Variants in DCP1A observed in about 807,000 individuals in gnomAD.
The protein encoded by DCP1A is decapping mRNA 1A, also known as mRNA-decapping enzyme 1A.
Under a neutral mutation model 58.0 loss-of-function variants are expected in DCP1A, and 20 were observed. The observed-to-expected ratio is 0.34, with a 90% CI of 0.24 to 0.50. DCP1A has a LOEUF of 0.50. DCP1A is among the 20% of genes least tolerant of loss of function. DCP1A has a pLI of 0.98. For synonymous variants in DCP1A, 285 were observed against 275.1 expected, an observed-to-expected ratio of 1.04 and a Z score of -0.36; for missense variants, 613 against 712.2, an observed-to-expected ratio of 0.86 and a Z score of 1.59.
At chr3:53,312,448 G>T in intron 4 of DCP1A, 69 bp from the exon 5 acceptor site, 6 of 1,312,124 alleles carry the variant, frequency 4.6e-6, no homozygotes, top group South Asian at 3.1e-5. Flanking sequence ...TTCTTTTGGT[G>T]TTCATCTTCC....
chr3:53,344,799 C>T, intron 2 of DCP1A, 103 bp downstream of exon 2: 2 of 817,528 alleles, frequency 2.4e-6, no homozygotes, highest in Non-Finnish European at 3.9e-6. Flanking sequence ...TTGAAGGGTA[C>T]TAGCAGGACG....
In DCP1A at chr3:53,284,448, T is replaced by C. The variant is rs1706548957; in HGVS notation, c.*3132A>G. 6.6e-6 allele frequency: 1 copy of C among 150,846 alleles called. No homozygotes were observed. The highest frequency in any genetic ancestry group is 1.5e-5 in the Non-Finnish European group (1 of 67,822). The allele number at this position is 150,846 out of a possible 1,614,324, so 9.3% of individuals were successfully genotyped here. ...AAACATAAGCCAGGAAAAGGACAAA[T>C]GCTTGACATGCAAAATCTGGTTAGA... On this transcript the variant is annotated 3_prime_UTR_variant, in exon 10 of 10. Transcript: ENST00000610213.
At chr3:53,315,535 A>T (rs919552229) in intron 4 of DCP1A, among the ~76,000 whole-genome samples, 15 of 36,350 alleles carry the variant, frequency 4.1e-4, no homozygotes, top group Non-Finnish European at 1.2e-3. Flanking sequence ...ACTCTGTCTC[A>T]AAAAAAAAAA....
rs781823778 is a variant in DCP1A, at chr3:53,292,184, G to A, written c.1268C>T (p.Pro423Leu). The part of the protein sequence containing the change: ...GKGAMVASFS[P>L]AAGQLATPES... ...AGGTGTGGCTAGCTGACCAGCTGCC[G>A]GAGAAAAGCTGGCTACCATTGCACC... The change falls in exon 7 of 10, where the codon CCG becomes CTG. Residue 423 changes from proline to leucine, a missense_variant. This residue lies in a region of DCP1A where 498 missense variants were observed against 556.7 expected (regional missense o/e 0.89). Coordinates refer to ENST00000610213, the MANE Select transcript of DCP1A (RefSeq NM_018403.7). 3.6e-5 allele frequency: 58 copies of A among 1,613,840 alleles called. No individual in the cohort carries two copies. The highest frequency in any genetic ancestry group is 8.0e-5 in the African/African-American group (6 of 74,904).
intron 1 of DCP1A, 54 bp from the exon 2 acceptor site, chr3:53,344,996 T>C (rs376712837): frequency 1.5e-6 from 2 of 1,341,720 alleles, no homozygotes; most frequent in Middle Eastern, 1.8e-4. Context: ...AGACCCCAAA[T>C]AGTCCCCATG....
At chr3:53,330,831 T>A (rs1325561267) in intron 3 of DCP1A, among the ~76,000 whole-genome samples, 18 of 147,348 alleles carry the variant, frequency 1.2e-4, no homozygotes, top group East Asian at 3.9e-4. Flanking sequence ...ATATATTTTT[T>A]TTTTTTTTGA....
At chr3:53,344,031 C>T (rs552611731) in intron 2 of DCP1A, among the ~76,000 whole-genome samples, 3 of 152,098 alleles carry the variant, frequency 2.0e-5, no homozygotes, top group Non-Finnish European at 4.4e-5. Context: ...AAAATGAGTG[C>T]ATTTAGACGA....
chr3:53,347,373 C>T lies in DCP1A; in HGVS notation c.135+10G>A, dbSNP rs781847553. 1.3e-6 allele frequency: 2 copies of T among 1,576,620 alleles called. No homozygotes were observed. The highest frequency in any genetic ancestry group is 1.4e-5 in the African/African-American group (1 of 73,146). ...CCGGGTGGCCGTCCTCAGGGCCAGG[C>T]GGCACTCACCCACTGGTTGGCCTTG... On this transcript the variant is annotated intron_variant, in intron 1 of 9. Transcript: ENST00000610213.
chr3:53,347,529 G>A lies in DCP1A; in HGVS notation c.-12C>T. 6.2e-7 allele frequency: 1 copy of A among 1,606,926 alleles called. No homozygotes were observed. Among genetic ancestry groups the A allele is most frequent in the Non-Finnish European group, 8.5e-7 (1 of 1,176,666 alleles). On this transcript the variant is annotated 5_prime_UTR_variant, in exon 1 of 10. Transcript: ENST00000610213. ...CTCAGCGCCTCCATCTTGAATCCCA[G>A]AGCCTAGCCCCTCTGGTGGGGGCGG...
At chr3:53,309,319 C>T (rs1053184773) in intron 5 of DCP1A, among the ~76,000 whole-genome samples, 6 of 149,286 alleles carry the variant, frequency 4.0e-5, no homozygotes, top group Non-Finnish European at 8.9e-5. Context: ...TGCAGTGAGT[C>T]GAGATCGCGC....
chr3:53,301,863 T>C (rs924390168), intron 6 of DCP1A, among the ~76,000 whole-genome samples: 1 of 152,220 alleles, frequency 6.6e-6, no homozygotes, highest in African/African-American at 2.4e-5. Context: ...CAAGAGGTTA[T>C]ATATATGATT....
chr3:53,329,950 T>C (rs1195749291), intron 3 of DCP1A, among the ~76,000 whole-genome samples: 4 of 152,164 alleles, frequency 2.6e-5, no homozygotes, highest in African/African-American at 9.7e-5. Context: ...CACTGGTCTA[T>C]GGTGAGAATA....
At position 53,333,881 on chromosome 3, in the gene DCP1A, C is replaced by G. The variant is rs552823349; in HGVS notation, c.304+8263G>C. Among the ~76,000 whole-genome samples, 251 of 152,202 alleles carry G rather than the reference C, an allele frequency of 1.6e-3. 9 individuals carry two copies. In the South Asian group the frequency reaches 0.05, roughly 30 times the overall value. ...GTATGACTCACACAGAGACACCAGC[C>G]TTTTTTGCTTGATAGCTGCCTGATA... On this transcript the variant is annotated intron_variant, in intron 3 of 9. Transcript: ENST00000610213.
intron 3 of DCP1A, among the ~76,000 whole-genome samples, chr3:53,322,360 G>A (rs1553690077): frequency 6.6e-6 from 1 of 151,778 alleles, no homozygotes; most frequent in East Asian, 1.9e-4. Context: ...GCTGAGGCAG[G>A]AGACTCTCTT....
At chr3:53,327,624 T>C (rs1708147102) in intron 3 of DCP1A, among the ~76,000 whole-genome samples, 1 of 151,016 alleles carries the variant, frequency 6.6e-6, no homozygotes, top group East Asian at 1.9e-4. Flanking sequence ...ACCCCATCTC[T>C]ACTAAAAATA....
At chr3:53,338,687 C>G (rs1482905539) in intron 3 of DCP1A, among the ~76,000 whole-genome samples, 1 of 151,750 alleles carries the variant, frequency 6.6e-6, no homozygotes, top group Non-Finnish European at 1.5e-5. Context: ...CGGTGAAACC[C>G]CGTCTCTACT....
At position 53,312,296 on chromosome 3, in the gene DCP1A, T is replaced by G. The variant is rs1553688746; in HGVS notation, c.455A>C (p.His152Pro). 1 of 1,613,558 alleles carries G rather than the reference T, an allele frequency of 6.2e-7. No homozygotes were observed. Among genetic ancestry groups the G allele is most frequent in the Admixed American group, 1.7e-5 (1 of 59,928 alleles). ...SPSQANGCSD[H>P]RPIDILEMLS... Reference sequence around the variant, plus strand: ...CATCTCCAGGATGTCGATGGGCCTGTGGTCGCTGCAGCCATTGGCCTGGCT... The same window carrying G: ...CATCTCCAGGATGTCGATGGGCCTGGGGTCGCTGCAGCCATTGGCCTGGCT... Residue 152 changes from histidine (H) to proline (P), a missense_variant, in exon 5 of 10, where the codon CAC becomes CCC. Transcript: ENST00000610213.
intron 3 of DCP1A, among the ~76,000 whole-genome samples, chr3:53,336,562 C>T (rs542784213): frequency 6.6e-6 from 1 of 152,226 alleles, no homozygotes; most frequent in East Asian, 1.9e-4. Flanking sequence ...TCATTCACTG[C>T]AAAGTATTTC....
chr3:53,284,708 TG>T lies in DCP1A; in HGVS notation c.*2871del, dbSNP rs1199373487. On this transcript the variant is annotated 3_prime_UTR_variant, in exon 10 of 10. Transcript: ENST00000610213. ...CGTGCCACCACGCCCGGCTAATTTT[TG>T]TATTTTTAGTAGAGATGGGGTTTCA... is the stretch of plus-strand genomic sequence containing the variant. 6.6e-6 allele frequency: 1 copy of T among 152,240 alleles called. No homozygotes were observed. The highest frequency in any genetic ancestry group is 1.9e-4 in the East Asian group (1 of 5,176). 9.4% of individuals were successfully genotyped at this position (152,240 alleles called of 1,614,324 possible). A position where few individuals can be genotyped will look rare whatever the true frequency, so the allele number is the denominator to read the frequency against.
Sources: gnomAD v4.1 joint callset for allele counts (sites outside exome capture counted in the v4.1 genomes callset) on GRCh38, gnomAD v4.1.1 for gene constraint, gnomAD v4.1.1 regional missense constraint, MANE v1.5 for transcripts, NCBI Gene and HGNC (gene_info 2026-07-23, HGNC 2026-07-21) for gene names.